Variants in RP1 observed in about 807,000 individuals in gnomAD.
RP1 encodes oxygen-regulated protein 1.
In RP1, 16 loss-of-function variants were observed where a neutral mutation model predicts 14.8. That is an observed-to-expected ratio of 1.08 (90% CI 0.73 to 1.65). The LOEUF (loss-of-function observed/expected upper bound fraction) is 1.65. Ranked by LOEUF, RP1 falls within the 40% of genes most tolerant of loss-of-function variation. The pLI is 0.00. For synonymous variants in RP1, 876 were observed against 883.6 expected, an observed-to-expected ratio of 0.99 and a Z score of 0.15; for missense variants, 2,631 against 2,535.0, an observed-to-expected ratio of 1.04 and a Z score of -0.81.
At position 54,791,210 on chromosome 8, in the gene RP1, T is replaced by TA. The variant is rs538866903; in HGVS notation, c.3615+7508dup. On this transcript the variant is annotated intron_variant, in intron 24 of 28. Transcript: ENST00000637698. The stretch of plus-strand genomic sequence containing the variant: ...GAGTGGGATCATATATTCAAAATAC[T>TA]AAAAAAAACCTGCCAACCAAGAATA... 5.8e-3 allele frequency among the ~76,000 whole-genome samples: 879 copies of TA among 151,660 alleles called. 35 individuals carry two copies. The South Asian group carries it at 0.1, about 17-fold the overall frequency.
chr8:54,596,619 A>G (rs986659350), intron 1 of RP1, among the ~76,000 whole-genome samples: 2 of 152,172 alleles, frequency 1.3e-5, no homozygotes, highest in Non-Finnish European at 2.9e-5. Context: ...TGTTTTTGTT[A>G]GTGGTACCAC....
intron 26 of RP1, among the ~76,000 whole-genome samples, chr8:54,854,801 G>A (rs1024650216): frequency 1.3e-5 from 2 of 152,144 alleles, no homozygotes; most frequent in Non-Finnish European, 2.9e-5. Context: ...GGAATTGGAG[G>A]TTGCATTGAG....
chr8:54,829,439 A>T (rs554095133), intron 24 of RP1, among the ~76,000 whole-genome samples: 1 of 152,328 alleles, frequency 6.6e-6, no homozygotes, highest in African/African-American at 2.4e-5. Context: ...ATCCATTATA[A>T]ATACAATCAA....
In RP1 at chr8:54,626,393, A is replaced by C; in HGVS notation, c.2511A>C (p.Gln837His). ...EQKPKDFYAP[Q>H]SQAEVASGYL... ...AACCCAAAGATTTTTATGCACCGCA[A>C]TCTCAAGCAGAAGTGGCATCTGGGT... is the stretch of plus-strand genomic sequence containing the variant. The change falls in exon 4 of 4, where the codon CAA becomes CAC. Residue 837 changes from glutamine (Q) to histidine (H), a missense_variant. Coordinates refer to ENST00000220676, the MANE Select transcript of RP1 (RefSeq NM_006269.2). 1 of 1,613,606 alleles carries C rather than the reference A, an allele frequency of 6.2e-7. No homozygotes were observed.
chr8:54,720,042 A>C, intron 15 of RP1: 2 of 1,123,976 alleles, frequency 1.8e-6, no homozygotes, highest in Non-Finnish European at 2.4e-6. Flanking sequence ...AAACGAGACA[A>C]AATTATATTC....
At chr8:54,767,867 G>C (rs1218976413) in intron 22 of RP1, among the ~76,000 whole-genome samples, 1 of 152,222 alleles carries the variant, frequency 6.6e-6, no homozygotes, top group Non-Finnish European at 1.5e-5. Context: ...AAAGAACACT[G>C]TGAGCTAAAG....
intron 24 of RP1, among the ~76,000 whole-genome samples, chr8:54,797,114 G>A (rs1810595542): frequency 6.6e-6 from 1 of 152,076 alleles, no homozygotes; most frequent in Non-Finnish European, 1.5e-5. Flanking sequence ...ATCCATTTTT[G>A]CATGAGAAGA....
intron 1 of RP1, among the ~76,000 whole-genome samples, chr8:54,590,684 A>T (rs1470339437): frequency 6.6e-6 from 1 of 152,132 alleles, no homozygotes; most frequent in Non-Finnish European, 1.5e-5. Flanking sequence ...CCAGTTATGT[A>T]GTCCCTCCCC....
intron 12 of RP1, among the ~76,000 whole-genome samples, chr8:54,684,409 T>C (rs1807508385): frequency 1.3e-5 from 2 of 152,220 alleles, no homozygotes. Flanking sequence ...TTTGAACTTC[T>C]GGTAGAATTC....
chr8:54,633,755 A>ATATATG (rs1563334893), downstream of RP1, among the ~76,000 whole-genome samples: 1 of 149,116 alleles, frequency 6.7e-6, no homozygotes, highest in African/African-American at 2.5e-5. Flanking sequence ...ATATATATAT[A>ATATATG]TATATGAAAT....
In RP1 at chr8:54,629,102, G is replaced by A; in HGVS notation, c.5220G>A (p.Leu1740=). 1 of 1,614,120 alleles carries A rather than the reference G, an allele frequency of 6.2e-7. No individual in the cohort carries two copies. The highest frequency in any genetic ancestry group is 2.2e-5 in the East Asian group (1 of 44,886). Residue 1740 remains leucine, a synonymous_variant, in exon 4 of 4, where the codon CTG becomes CTA. Coordinates refer to ENST00000220676, the MANE Select transcript of RP1 (RefSeq NM_006269.2). ...TCACAGACATAGAGGAAGGAGTACT[G>A]ATTGACAAAGGCAAATGGCTTCTGA... ...RILTDIEEGV[L]IDKGKWLLKE... is the part of the protein sequence containing the mutation.
At chr8:54,685,300 A>G (rs550470758) in intron 12 of RP1, among the ~76,000 whole-genome samples, 2 of 152,250 alleles carry the variant, frequency 1.3e-5, no homozygotes. Flanking sequence ...TTAGTGCTAT[A>G]AATTTCCCTC....
At position 54,657,231 on chromosome 8, in the gene RP1, C is replaced by T. The variant is rs145763022; in HGVS notation, c.1171+1016C>T. On this transcript the variant is annotated intron_variant, in intron 6 of 22. Coordinates refer to the RP1 transcript ENST00000636932. ...CACACGTTTCACCTGAGAAGATGTT[C>T]GCCAGGTGCCCTATTCCTACCCATT... Among the ~76,000 whole-genome samples the T allele has an allele frequency of 1.2e-3, 188 of 152,224 alleles. 1 individual carries two copies. The highest frequency in any genetic ancestry group is 4.2e-3 in the African/African-American group (174 of 41,510).
chr8:54,589,926 C>T (rs562729353), intron 1 of RP1, among the ~76,000 whole-genome samples: 132 of 152,232 alleles, frequency 8.7e-4, no homozygotes, highest in African/African-American at 3.1e-3. Flanking sequence ...TAGTAATTTA[C>T]TTCTTTCTTT....
chr8:54,828,882 C>CTTCT (rs1811451711), intron 24 of RP1, among the ~76,000 whole-genome samples: 16 of 83,940 alleles, frequency 1.9e-4, no homozygotes, highest in South Asian at 9.6e-4. Context: ...TCTTCTTCTT[C>CTTCT]TTTTTTTTTT....
At chr8:54,689,984 T>C (rs897740039) in intron 12 of RP1, among the ~76,000 whole-genome samples, 1 of 152,060 alleles carries the variant, frequency 6.6e-6, no homozygotes, top group African/African-American at 2.4e-5. Flanking sequence ...CAAGACAAAC[T>C]TCTAAATTTT....
chr8:54,819,057 ATCTC>A (rs370666343), intron 24 of RP1, among the ~76,000 whole-genome samples: 1 of 149,946 alleles, frequency 6.7e-6, no homozygotes, highest in Non-Finnish European at 1.5e-5. Context: ...CTACCCACAT[ATCTC>A]TCTCTCTCTC....
chr8:54,825,413 TTATTGTGTCTTTAGACATAAA>T (rs1811365882), intron 24 of RP1, among the ~76,000 whole-genome samples: 1 of 152,192 alleles, frequency 6.6e-6, no homozygotes, highest in Non-Finnish European at 1.5e-5. Context: ...TGGGCACGTA[TTATTGTGTCTTTAGACATAAA>T]AACATGATCC....
intron 24 of RP1, among the ~76,000 whole-genome samples, chr8:54,821,414 T>G (rs993015864): frequency 6.6e-6 from 1 of 152,166 alleles, no homozygotes; most frequent in Non-Finnish European, 1.5e-5. Context: ...CTTACATGAA[T>G]GTATTTACAC....
Sources: allele counts gnomAD v4.1 joint callset (sites outside exome capture counted in the v4.1 genomes callset), GRCh38; gene constraint gnomAD v4.1.1; transcripts MANE v1.5; gene names NCBI Gene and HGNC (gene_info 2026-07-23, HGNC 2026-07-21).